Variants in CNTNAP2 observed in about 807,000 individuals in gnomAD.
The protein encoded by CNTNAP2 is contactin-associated protein-like 2.
Under a neutral mutation model 155.2 loss-of-function variants are expected in CNTNAP2, and 98 were observed. The observed-to-expected ratio is 0.63, with a 90% CI of 0.54 to 0.75. The LOEUF (loss-of-function observed/expected upper bound fraction) is 0.75. Ranked by LOEUF, CNTNAP2 falls within the 30% of genes least tolerant of loss-of-function variation. CNTNAP2 has a pLI of 0.00. For synonymous variants in CNTNAP2, 651 were observed against 631.2 expected, an observed-to-expected ratio of 1.03 and a Z score of -0.47; for missense variants, 1,727 against 1,688.1, an observed-to-expected ratio of 1.02 and a Z score of -0.40.
At chr7:147,480,526 G>A (rs1435479367) in intron 10 of CNTNAP2, among the ~76,000 whole-genome samples, 1 of 152,204 alleles carries the variant, frequency 6.6e-6, no homozygotes, top group Non-Finnish European at 1.5e-5. Context: ...CACTTTCTAT[G>A]AATTATATGA....
intron 14 of CNTNAP2, among the ~76,000 whole-genome samples, chr7:147,920,534 C>A (rs958010832): frequency 6.6e-6 from 1 of 152,096 alleles, no homozygotes; most frequent in Non-Finnish European, 1.5e-5. Context: ...CTGTGCCTAC[C>A]TGTGATCAGG....
At chr7:147,975,159 T>A (rs1384283562) in intron 14 of CNTNAP2, among the ~76,000 whole-genome samples, 5 of 151,856 alleles carry the variant, frequency 3.3e-5, no homozygotes, top group Non-Finnish European at 7.4e-5. Flanking sequence ...CTATTTTTTG[T>A]ATCATCTAAA....
intron 9 of CNTNAP2, among the ~76,000 whole-genome samples, chr7:147,347,209 A>C (rs1795878719): frequency 1.3e-5 from 2 of 151,968 alleles, no homozygotes; most frequent in African/African-American, 4.8e-5. Flanking sequence ...CATTTGTGGA[A>C]GTCATCTTCC....
Position 148,293,082 on chromosome 7 carries a change from AT to A in CNTNAP2, c.3475+25957del, listed in dbSNP as rs770113564. 2.1e-4 allele frequency among the ~76,000 whole-genome samples: 24 copies of A among 115,706 alleles called. No homozygotes were observed. The East Asian group carries it at 5.7e-3, about 28-fold the overall frequency. 75.9% of individuals were successfully genotyped at this position (115,706 alleles called of 152,430 possible). On this transcript the variant is annotated intron_variant, in intron 21 of 23. Coordinates refer to ENST00000361727, the MANE Select transcript of CNTNAP2 (RefSeq NM_014141.6). ...TCGTGATTGACAAAAAATAAATAAA[AT>A]AAAATAAAATAAATGACCAAAATCT...
At chr7:147,731,394 C>T (rs962407124) in intron 13 of CNTNAP2, among the ~76,000 whole-genome samples, 2 of 152,208 alleles carry the variant, frequency 1.3e-5, no homozygotes, top group African/African-American at 2.4e-5. Context: ...CTCTACTCTG[C>T]CTGTCCCCTA....
chr7:147,114,756 T>C (rs909607013), intron 5 of CNTNAP2, among the ~76,000 whole-genome samples: 21 of 152,224 alleles, frequency 1.4e-4, no homozygotes, highest in African/African-American at 5.1e-4. Flanking sequence ...GTCTTGGCTC[T>C]TTATCCAGCT....
chr7:148,337,896 C>T (rs1798148006), intron 21 of CNTNAP2, among the ~76,000 whole-genome samples: 1 of 152,164 alleles, frequency 6.6e-6, no homozygotes, highest in Non-Finnish European at 1.5e-5. Flanking sequence ...TTTAAATGTC[C>T]TTAAACTTGA....
At position 148,365,867 on chromosome 7, in the gene CNTNAP2, T is replaced by C. The variant is rs1411429501; in HGVS notation, c.3476-17782T>C. On this transcript the variant is annotated intron_variant, in intron 21 of 23. Coordinates refer to ENST00000361727, the MANE Select transcript of CNTNAP2 (RefSeq NM_014141.6). Reference sequence around the variant, plus strand: ...GCATGTGTATGCATGTATACATGTATGTGTATGCATGTATACATGTATGTG... The same window carrying C: ...GCATGTGTATGCATGTATACATGTACGTGTATGCATGTATACATGTATGTG... Among the ~76,000 whole-genome samples, 4 of 99,262 alleles carry C rather than the reference T, an allele frequency of 4.0e-5. 2 individuals carry two copies. The highest frequency in any genetic ancestry group is 1.5e-4 in the African/African-American group (4 of 25,864). The allele number at this position is 99,262 out of a possible 152,430, so 65.1% of individuals were successfully genotyped here.
At chr7:148,389,213 C>G (rs921090473) in intron 22 of CNTNAP2, among the ~76,000 whole-genome samples, 5 of 152,134 alleles carry the variant, frequency 3.3e-5, no homozygotes, top group African/African-American at 1.2e-4. Context: ...ATGTCCCCAC[C>G]CAAATCTCAT....
chr7:147,949,458 ATTT>A (rs199529235), intron 14 of CNTNAP2, among the ~76,000 whole-genome samples: 2 of 137,402 alleles, frequency 1.5e-5, no homozygotes. Flanking sequence ...ATATATATAT[ATTT>A]TTTTTTTTTA....
intron 1 of CNTNAP2, among the ~76,000 whole-genome samples, chr7:146,205,646 T>C (rs2116875439): frequency 6.6e-6 from 1 of 151,964 alleles, no homozygotes; most frequent in South Asian, 2.1e-4. Flanking sequence ...TTCCCCACAC[T>C]CAGACCAGAT....
intron 11 of CNTNAP2, among the ~76,000 whole-genome samples, chr7:147,558,467 T>A (rs557923126): frequency 2.6e-5 from 4 of 152,262 alleles, no homozygotes; most frequent in African/African-American, 9.6e-5. Flanking sequence ...TTTGGGAGCT[T>A]GTCATAACTG....
chr7:147,081,585 G>GTAATT (rs1408274096), intron 4 of CNTNAP2: 1 of 23,062 alleles, frequency 4.3e-5, no homozygotes, highest in Non-Finnish European at 1.3e-4. Flanking sequence ...CGGCTAATTT[G>GTAATT]TGTGTGTGTG....
rs1178951681 is a variant in CNTNAP2 at position 146,822,971 on chromosome 7, A to G, written c.209-16740A>G. Among the ~76,000 whole-genome samples, 79 of 35,728 alleles carry G rather than the reference A, an allele frequency of 2.2e-3. 1 individual carries two copies. Among genetic ancestry groups the G allele is most frequent in the African/African-American group, 9.7e-3 (72 of 7,418 alleles). The allele number at this position is 35,728 out of a possible 152,430, so 23.4% of individuals were successfully genotyped here. A position where few individuals can be genotyped will look rare whatever the true frequency, so the allele number is the denominator to read the frequency against. On this transcript the variant is annotated intron_variant, in intron 2 of 23. Coordinates refer to ENST00000361727, the MANE Select transcript of CNTNAP2 (RefSeq NM_014141.6). Reference sequence around the variant, plus strand: ...AGCATATTTACATGGAAATATACTCATTCTTCAGCATATTTACATGGAAAT... The same window carrying G: ...AGCATATTTACATGGAAATATACTCGTTCTTCAGCATATTTACATGGAAAT...
chr7:147,836,354 A>G (rs1215814256), intron 13 of CNTNAP2, among the ~76,000 whole-genome samples: 4 of 151,886 alleles, frequency 2.6e-5, no homozygotes, highest in African/African-American at 9.7e-5. Flanking sequence ...CCCTTCCCCC[A>G]GTATTCCAGC....
At chr7:146,320,408 G>C (rs1419845293) in intron 1 of CNTNAP2, among the ~76,000 whole-genome samples, 10 of 152,092 alleles carry the variant, frequency 6.6e-5, no homozygotes, top group African/African-American at 2.4e-4. Flanking sequence ...TCAGGAACAA[G>C]TTACGTAAAT....
chr7:148,401,094 A>T (rs979229458), intron 22 of CNTNAP2, among the ~76,000 whole-genome samples: 1 of 151,976 alleles, frequency 6.6e-6, no homozygotes, highest in South Asian at 2.1e-4. Context: ...TTTTGATCTG[A>T]GTTTGGTTGA....
chr7:146,276,988 G>T lies in CNTNAP2; in HGVS notation c.97+160015G>T, dbSNP rs544813284. ...AATGTCTTTGTACTGGTAATTAAGT[G>T]AAAGATTTAAAGATGAGATCATCCT... On this transcript the variant is annotated intron_variant, in intron 1 of 23. Coordinates refer to ENST00000361727, the MANE Select transcript of CNTNAP2 (RefSeq NM_014141.6). Among the ~76,000 whole-genome samples, 309 of 152,300 alleles carry T rather than the reference G, an allele frequency of 2.0e-3. 3 individuals are homozygous for T. Among genetic ancestry groups the T allele is most frequent in the African/African-American group, 7.0e-3 (290 of 41,556 alleles).
chr7:146,958,157 T>C (rs1190844829), intron 3 of CNTNAP2, among the ~76,000 whole-genome samples: 1 of 152,126 alleles, frequency 6.6e-6, no homozygotes, highest in Non-Finnish European at 1.5e-5. Context: ...CAAAGGCGAA[T>C]GGCACCTCAG....
Sources: gnomAD v4.1 joint callset for allele counts (sites outside exome capture counted in the v4.1 genomes callset) on GRCh38, gnomAD v4.1.1 for gene constraint, MANE v1.5 for transcripts, NCBI Gene and HGNC (gene_info 2026-07-23, HGNC 2026-07-21) for gene names.